The following SGCD variants were observed in gnomAD, a reference collection of about 807,000 sequenced individuals.
SGCD encodes delta-sarcoglycan.
SGCD carries 18 observed loss-of-function variants against 36.6 expected under a neutral mutation model. The observed-to-expected ratio is 0.49, with a 90% CI of 0.34 to 0.73. The LOEUF (loss-of-function observed/expected upper bound fraction) is 0.73, where lower values mean the gene tolerates loss of function less well. Among genes scored for constraint, SGCD ranks in the 30% least tolerant of loss-of-function variants. The pLI, the probability that SGCD is intolerant of heterozygous loss-of-function variation, is 0.01. For synonymous variants in SGCD, 133 were observed against 130.6 expected (o/e 1.02, Z -0.12); for missense variants, 387 against 346.7 (o/e 1.12, Z -0.92).
chr5:156,129,902 T>C (rs1762270535), intron 3 of SGCD, among the ~76,000 whole-genome samples: 1 of 152,220 alleles, frequency 6.6e-6, no homozygotes, highest in Non-Finnish European at 1.5e-5. Context: ...GATGGGCATT[T>C]AGGTTGATTC....
chr5:156,024,756 G>A (rs559643236), intron 1 of SGCD, among the ~76,000 whole-genome samples: 5 of 152,144 alleles, frequency 3.3e-5, no homozygotes, highest in Admixed American at 6.5e-5. Flanking sequence ...TTAGGAGTTC[G>A]CAACCAGCCT....
chr5:156,004,200 A>T (rs766450519), intron 1 of SGCD, among the ~76,000 whole-genome samples: 2 of 152,202 alleles, frequency 1.3e-5, no homozygotes, highest in Non-Finnish European at 2.9e-5. Flanking sequence ...AACAGCAACC[A>T]CATTTTAAAA....
chr5:155,784,771 G>A, the SGCD span, among the ~76,000 whole-genome samples: 1 of 151,204 alleles, frequency 6.6e-6, no homozygotes, highest in Admixed American at 6.6e-5. Flanking sequence ...CTATAAATAA[G>A]GAAAAAAATG....
chr5:155,762,386 A>G, the SGCD span, among the ~76,000 whole-genome samples: 2,126 of 152,352 alleles, frequency 0.014, 29 homozygotes, highest in Admixed American at 0.021. Flanking sequence ...ACCACCTTGG[A>G]AAACAGCAAT....
the SGCD span, among the ~76,000 whole-genome samples, chr5:155,766,868 C>T: frequency 1.3e-5 from 2 of 152,174 alleles, no homozygotes; most frequent in Admixed American, 1.3e-4. Flanking sequence ...AACTCCATTT[C>T]ACCTGACTCC....
the SGCD span, among the ~76,000 whole-genome samples, chr5:155,764,602 T>C: frequency 6.6e-6 from 1 of 152,138 alleles, no homozygotes; most frequent in East Asian, 1.9e-4. Context: ...CTGGAGCCCA[T>C]TGAAAACCTT....
chr5:156,124,302 G>T (rs1275555818), intron 3 of SGCD, among the ~76,000 whole-genome samples: 1 of 152,174 alleles, frequency 6.6e-6, no homozygotes, highest in East Asian at 1.9e-4. Context: ...TTGTGCAGGT[G>T]TCTCAGCTAG....
intron 1 of SGCD, among the ~76,000 whole-genome samples, chr5:155,882,032 G>T (rs1196424802): frequency 1.3e-5 from 2 of 151,980 alleles, no homozygotes; most frequent in Non-Finnish European, 2.9e-5. Context: ...ATTCATGAGG[G>T]TTAAAATCAA....
At chr5:156,014,123 T>C (rs1758916608) in intron 1 of SGCD, among the ~76,000 whole-genome samples, 1 of 152,144 alleles carries the variant, frequency 6.6e-6, no homozygotes, top group African/African-American at 2.4e-5. Context: ...CTTTTAGTTG[T>C]CTTTCTTTGG....
intron 3 of SGCD, among the ~76,000 whole-genome samples, chr5:156,417,801 C>A (rs6894759): frequency 0.16 from 23,500 of 151,532 alleles, 2,282 homozygotes; most frequent in African/African-American, 0.27. Flanking sequence ...GGGGAGGACC[C>A]AATTCAGTTC....
chr5:156,141,164 CT>C (rs1169763145), intron 3 of SGCD, among the ~76,000 whole-genome samples: 1 of 152,198 alleles, frequency 6.6e-6, no homozygotes, highest in Non-Finnish European at 1.5e-5. Flanking sequence ...TTGGCTGCCT[CT>C]ACCTAAATTT....
At chr5:156,122,209 C>A (rs2127602868) in intron 2 of SGCD, among the ~76,000 whole-genome samples, 2 of 152,218 alleles carry the variant, frequency 1.3e-5, no homozygotes, top group African/African-American at 4.8e-5. Context: ...CTTATTCATT[C>A]ATTCAAAAAA....
intron 3 of SGCD, among the ~76,000 whole-genome samples, chr5:156,315,410 A>G (rs74452465): frequency 0.024 from 3,672 of 152,032 alleles, 158 homozygotes; most frequent in African/African-American, 0.083. Context: ...TTTAAGGCTG[A>G]ACAGTATTGT....
intron 6 of SGCD, among the ~76,000 whole-genome samples, chr5:156,610,331 A>T (rs1342402160): frequency 1.3e-5 from 2 of 151,852 alleles, no homozygotes; most frequent in Non-Finnish European, 2.9e-5. Context: ...TTGCCTGGGT[A>T]TCAGCAGTGG....
intron 1 of SGCD, among the ~76,000 whole-genome samples, chr5:155,989,524 C>T (rs890474644): frequency 6.6e-6 from 1 of 152,058 alleles, no homozygotes; most frequent in South Asian, 2.1e-4. Flanking sequence ...GTTTGTTATT[C>T]GCTCTCTCAC....
chr5:156,380,407 A>G (rs1442484956), intron 3 of SGCD, among the ~76,000 whole-genome samples: 1 of 152,192 alleles, frequency 6.6e-6, no homozygotes, highest in Non-Finnish European at 1.5e-5. Flanking sequence ...CTCCTACAAC[A>G]GAAGGGGTTG....
At chr5:156,657,009 C>A (rs545131032) in intron 7 of SGCD, among the ~76,000 whole-genome samples, 3 of 152,226 alleles carry the variant, frequency 2.0e-5, no homozygotes, top group East Asian at 1.9e-4. Context: ...TTAGACAAGG[C>A]TTGCACAAGT....
intron 3 of SGCD, among the ~76,000 whole-genome samples, chr5:156,227,256 C>A (rs1301126522): frequency 6.6e-6 from 1 of 152,132 alleles, no homozygotes; most frequent in African/African-American, 2.4e-5. Flanking sequence ...AGTCCTTAAT[C>A]CATCTTGAGT....
the SGCD span, among the ~76,000 whole-genome samples, chr5:155,745,335 T>C: frequency 6.6e-6 from 1 of 152,196 alleles, no homozygotes; most frequent in Non-Finnish European, 1.5e-5. Flanking sequence ...TTGTGTAATA[T>C]TTTGGAGTAA....
Sources: allele counts gnomAD v4.1 joint callset (sites outside exome capture counted in the v4.1 genomes callset), GRCh38; gene constraint gnomAD v4.1.1; transcripts MANE v1.5; gene names NCBI Gene and HGNC (gene_info 2026-07-23, HGNC 2026-07-21).